The following CACNA1H variants were observed in gnomAD, a reference collection of about 807,000 sequenced individuals.
CACNA1H encodes calcium voltage-gated channel subunit alpha1 H.
A neutral mutation model predicts 192.5 loss-of-function variants in CACNA1H; 149 were observed. That is an observed-to-expected ratio of 0.77 (90% CI 0.68 to 0.89). The LOEUF is 0.89. Ranked by LOEUF, CACNA1H falls within the 40% of genes least tolerant of loss-of-function variation. The pLI is 0.00. For missense variants in CACNA1H, 4,257 were observed against 3,423.5 expected, an observed-to-expected ratio of 1.24 and a Z score of -6.08; for synonymous variants, 2,202 against 1,475.2, an observed-to-expected ratio of 1.49 and a Z score of -11.29.
In CACNA1H at chr16:1,207,874, G is replaced by C. The variant is rs1448162924; in HGVS notation, c.3154+14G>C. ...TCCAGACCACAGGTGCGTGTGGTCG[G>C]TGGGTGGTCCGGGTTCTGGCGGGTG... On this transcript the variant is annotated intron_variant, in intron 15 of 34. Coordinates refer to ENST00000348261, the MANE Select transcript of CACNA1H (RefSeq NM_021098.3). 2.5e-6 allele frequency: 4 copies of C among 1,577,888 alleles called. No individual in the cohort carries two copies. Among genetic ancestry groups the C allele is most frequent in the Non-Finnish European group, 3.4e-6 (4 of 1,162,260 alleles).
intron 2 of CACNA1H, among the ~76,000 whole-genome samples, chr16:1,189,870 C>A (rs994907756): frequency 6.6e-6 from 1 of 152,204 alleles, no homozygotes; most frequent in African/African-American, 2.4e-5. Context: ...TTCATCGTTA[C>A]GAGCCCCTGG....
chr16:1,199,866 G>A (rs1016602673), intron 6 of CACNA1H, among the ~76,000 whole-genome samples: 2 of 151,988 alleles, frequency 1.3e-5, no homozygotes, highest in East Asian at 1.9e-4. Context: ...CCCCTCATCC[G>A]CTTCCAGGAG....
intron 2 of CACNA1H, among the ~76,000 whole-genome samples, chr16:1,174,015 C>A (rs932743180): frequency 2.0e-5 from 3 of 152,244 alleles, no homozygotes; most frequent in Admixed American, 6.5e-5. Context: ...AGTAGGGCCT[C>A]ACATCATGCG....
chr16:1,220,544 G>A lies in CACNA1H; in HGVS notation c.6612G>A (p.Ala2204=), dbSNP rs757987443. The change falls in exon 35 of 35, where the codon GCG becomes GCA. Residue 2204 remains alanine, a synonymous_variant. Coordinates refer to ENST00000348261, the MANE Select transcript of CACNA1H (RefSeq NM_021098.3). The stretch of plus-strand genomic sequence containing the variant: ...CCCCTGCGGAGGACGAGGGCTCTGC[G>A]CGGCCCTCCGCGGCAGAGGGCGGCA... ...VEPPAEDEGS[A]RPSAAEGGST... The A allele has an allele frequency of 1.4e-5, 21 of 1,531,020 alleles. 1 individual carries two copies. The highest frequency in any genetic ancestry group is 1.8e-4 in the Middle Eastern group (1 of 5,672). The allele number at this position is 1,531,020 out of a possible 1,614,324, so 94.8% of individuals were successfully genotyped here.
At position 1,210,422 on chromosome 16, in the gene CACNA1H, G is replaced by A. The variant is rs778131404; in HGVS notation, c.3898G>A (p.Val1300Ile). 1.9e-6 allele frequency: 3 copies of A among 1,609,886 alleles called. No individual in the cohort carries two copies. The highest frequency in any genetic ancestry group is 2.2e-5 in the South Asian group (2 of 90,856). Residue 1300 changes from valine (V) to isoleucine (I), a missense_variant, in exon 19 of 35, where the codon GTC becomes ATC. Transcript: ENST00000348261. The part of the protein sequence containing the change: ...VITHKMFDHV[V>I]LVFIFLNCVT... Reference sequence around the variant, plus strand: ...CACACACAAGATGTTTGATCACGTGGTCCTCGTCTTCATCTTCCTCAACTG... The same window carrying A: ...CACACACAAGATGTTTGATCACGTGATCCTCGTCTTCATCTTCCTCAACTG...
chr16:1,161,957 G>A (rs909355625), intron 2 of CACNA1H, among the ~76,000 whole-genome samples: 1 of 152,194 alleles, frequency 6.6e-6, no homozygotes, highest in Non-Finnish European at 1.5e-5. Context: ...GAGCCATCAC[G>A]GTGGGTCAGG....
intron 26 of CACNA1H, among the ~76,000 whole-genome samples, chr16:1,213,122 C>A (rs754689649): frequency 1.3e-5 from 2 of 152,232 alleles, no homozygotes; most frequent in Non-Finnish European, 2.9e-5. Flanking sequence ...TGGCGGGCGC[C>A]GACTTCAGAT....
At chr16:1,187,938 G>C (rs1435471171) in intron 2 of CACNA1H, among the ~76,000 whole-genome samples, 1 of 152,080 alleles carries the variant, frequency 6.6e-6, no homozygotes, top group Non-Finnish European at 1.5e-5. Flanking sequence ...TGGTGAGAAC[G>C]TGTCCTCCAG....
Position 1,153,777 on chromosome 16 carries a change from C to A in CACNA1H, c.40C>A (p.Pro14Thr). ...ACGGGCCGCCGACGAGGTCCGGGTG[C>A]CCCTGGGCGCGCCGCCCCCTGGCCC... ...GARAADEVRV[P>T]LGAPPPGPAA... Residue 14 changes from proline to threonine, a missense_variant, in exon 2 of 35, where the codon CCC becomes ACC. Pro to Thr is a conservative substitution (Grantham distance 38, BLOSUM62 -1). Coordinates refer to ENST00000348261, the MANE Select transcript of CACNA1H (RefSeq NM_021098.3). 8.2e-7 allele frequency: 1 copy of A among 1,225,580 alleles called. No homozygotes were observed. Among genetic ancestry groups the A allele is most frequent in the Non-Finnish European group, 1.0e-6 (1 of 983,852 alleles). The allele number at this position is 1,225,580 out of a possible 1,614,324, so 75.9% of individuals were successfully genotyped here.
intron 32 of CACNA1H, 29 bp from the exon 33 acceptor site, chr16:1,218,181 C>A (rs752090715): frequency 1.8e-5 from 28 of 1,541,798 alleles, no homozygotes; most frequent in Middle Eastern, 1.8e-4. Context: ...TGGGTGTGGA[C>A]CCCGGCCCAC....
rs1427803168 is a variant in CACNA1H at position 1,221,176 on chromosome 16, C to A, written c.*182C>A. The A allele has an allele frequency of 1.8e-6, 1 of 546,046 alleles. No individual in the cohort carries two copies. Among genetic ancestry groups the A allele is most frequent in the Non-Finnish European group, 3.2e-6 (1 of 315,180 alleles). 33.8% of individuals were successfully genotyped at this position (546,046 alleles called of 1,614,324 possible). A position where few individuals can be genotyped will look rare whatever the true frequency, so the allele number is the denominator to read the frequency against. On this transcript the variant is annotated 3_prime_UTR_variant, in exon 35 of 35. Coordinates refer to ENST00000348261, the MANE Select transcript of CACNA1H (RefSeq NM_021098.3). Reference sequence around the variant, plus strand: ...AGCGAAGCAGGAGTAGCTGCCGGGCCCCACGAGCCTCCGTCCGTTCTGGTT... The same window carrying A: ...AGCGAAGCAGGAGTAGCTGCCGGGCACCACGAGCCTCCGTCCGTTCTGGTT...
chr16:1,169,919 C>G (rs547219957), intron 2 of CACNA1H, among the ~76,000 whole-genome samples: 1 of 152,364 alleles, frequency 6.6e-6, no homozygotes, highest in African/African-American at 2.4e-5. Context: ...TGGAGCTGGG[C>G]GGCTGGGGTG....
At chr16:1,194,679 C>T (rs1966847325) in intron 2 of CACNA1H, among the ~76,000 whole-genome samples, 1 of 152,172 alleles carries the variant, frequency 6.6e-6, no homozygotes, top group Admixed American at 6.5e-5. Flanking sequence ...CCGATGCGGC[C>T]AGCCCACCGA....
At chr16:1,210,247 C>A in intron 18 of CACNA1H, 112 bp downstream of exon 18, 1 of 1,240,766 alleles carries the variant, frequency 8.1e-7, no homozygotes, top group South Asian at 1.3e-5. Context: ...GAGTGGGCAC[C>A]CCTTCTCACA....
chr16:1,212,634 C>T (rs1969594498), intron 26 of CACNA1H, 106 bp downstream of exon 26: 3 of 1,369,932 alleles, frequency 2.2e-6, no homozygotes, highest in African/African-American at 2.9e-5. Context: ...TGGGCACAGG[C>T]AGCCGGAGGT....
rs144264382 is a variant in CACNA1H at position 1,170,738 on chromosome 16, A to G, written c.299+16702A>G. 2.0e-4 allele frequency among the ~76,000 whole-genome samples: 31 copies of G among 152,076 alleles called. No individual in the cohort carries two copies. In the Middle Eastern group the frequency reaches 0.01, roughly 50 times the overall value. ...AAGCTGGGCTGGGTTGGGCCCCCCC[A>G]CCGCCGTGTGCAGGAGGAAGAGGCC... On this transcript the variant is annotated intron_variant, in intron 2 of 34. Coordinates refer to ENST00000348261, the MANE Select transcript of CACNA1H (RefSeq NM_021098.3).
At chr16:1,202,622 G>T (rs1009597088) in intron 9 of CACNA1H, among the ~76,000 whole-genome samples, 170 bp downstream of exon 9, 1 of 152,172 alleles carries the variant, frequency 6.6e-6, no homozygotes, top group East Asian at 1.9e-4. Flanking sequence ...GAAAGAGGCA[G>T]GTCCCGCCCC....
rs765058001 is a variant in CACNA1H, at chr16:1,200,712, C to T, written c.1120-4C>T. 1 of 1,565,672 alleles carries T rather than the reference C, an allele frequency of 6.4e-7. No homozygotes were observed. Among genetic ancestry groups the T allele is most frequent in the Non-Finnish European group, 8.7e-7 (1 of 1,155,344 alleles). ...GGGCCCAAGTCAAGCCACTGCCCCC[C>T]CAGGTGATCACGCTGGAAGGCTGGG... On this transcript the variant is annotated splice_polypyrimidine_tract_variant and splice_region_variant and intron_variant, in intron 7 of 34. Transcript: ENST00000348261.
chr16:1,158,508 T>G (rs1329652891), intron 2 of CACNA1H, among the ~76,000 whole-genome samples: 1 of 152,148 alleles, frequency 6.6e-6, no homozygotes, highest in East Asian at 1.9e-4. Flanking sequence ...CATGGAAGCA[T>G]CAGGGCCGCA....
Sources: allele counts gnomAD v4.1 joint callset (sites outside exome capture counted in the v4.1 genomes callset), GRCh38; gene constraint gnomAD v4.1.1; transcripts MANE v1.5; gene names NCBI Gene and HGNC (gene_info 2026-07-23, HGNC 2026-07-21).